The following FRMD4A variants were observed in gnomAD, a reference collection of about 807,000 sequenced individuals.
FRMD4A encodes FERM domain-containing protein 4A.
FRMD4A carries 29 observed loss-of-function variants against 129.1 expected under a neutral mutation model. The ratio of observed to expected loss-of-function variants is 0.22; its 90% confidence interval spans 0.17 to 0.31. The LOEUF is 0.31. Ranked by LOEUF, FRMD4A falls within the 10% of genes least tolerant of loss-of-function variation. The pLI, the probability that FRMD4A is intolerant of heterozygous loss-of-function variation, is 1.00. For missense variants in FRMD4A, 1,272 were observed against 1,375.8 expected (o/e 0.92, Z 1.19); for synonymous variants, 634 against 571.6 (o/e 1.11, Z -1.56).
At chr10:13,841,672 C>T (rs2093968103) in intron 3 of FRMD4A, among the ~76,000 whole-genome samples, 1 of 152,206 alleles carries the variant, frequency 6.6e-6, no homozygotes. Flanking sequence ...AGATATTCTG[C>T]ATGTGGGACC....
chr10:13,871,508 G>A (rs192682440), intron 2 of FRMD4A, among the ~76,000 whole-genome samples: 333 of 152,302 alleles, frequency 2.2e-3, no homozygotes, highest in Middle Eastern at 6.8e-3. Context: ...TGCAGAATCC[G>A]TTTCAATGCC....
chr10:14,043,276 T>C (rs1164814473), intron 2 of FRMD4A, among the ~76,000 whole-genome samples: 4 of 152,234 alleles, frequency 2.6e-5, no homozygotes. Context: ...TCTAGCCATA[T>C]GTCCCATGTT....
At chr10:14,315,273 T>C (rs2132111318) in intron 2 of FRMD4A, among the ~76,000 whole-genome samples, 1 of 152,292 alleles carries the variant, frequency 6.6e-6, no homozygotes, top group East Asian at 1.9e-4. Flanking sequence ...AAGCTTCACA[T>C]ACATACCTCT....
At chr10:13,761,730 G>A in intron 7 of FRMD4A, 61 bp from the exon 8 acceptor site, 1 of 1,111,714 alleles carries the variant, frequency 9.0e-7, no homozygotes, top group Non-Finnish European at 1.4e-6. Flanking sequence ...AGACTCTAAA[G>A]TACATTCTAT....
chr10:14,134,382 T>C (rs1839424188), intron 2 of FRMD4A, among the ~76,000 whole-genome samples: 1 of 151,266 alleles, frequency 6.6e-6, no homozygotes, highest in Admixed American at 6.6e-5. Flanking sequence ...GATGGATGGA[T>C]AAATGGGTGA....
intron 2 of FRMD4A, among the ~76,000 whole-genome samples, chr10:14,117,588 C>T (rs906148044): frequency 6.6e-6 from 1 of 152,118 alleles, no homozygotes; most frequent in Admixed American, 6.5e-5. Context: ...GAGGCCCCAA[C>T]CAAATGGCAG....
intron 2 of FRMD4A, among the ~76,000 whole-genome samples, chr10:13,864,577 C>CTT (rs60899227): frequency 2.2e-4 from 30 of 136,992 alleles, no homozygotes; most frequent in East Asian, 4.2e-4. Flanking sequence ...TTCTTTCTTT[C>CTT]TTTTTTTTTT....
At chr10:13,686,861 G>A (rs41398148) in intron 15 of FRMD4A, among the ~76,000 whole-genome samples, 2,388 of 152,234 alleles carry the variant, frequency 0.016, 28 homozygotes, top group African/African-American at 0.028. Context: ...CCATTTATTC[G>A]TTTCAGTGGT....
chr10:13,816,240 A>G (rs2093540352), intron 3 of FRMD4A, among the ~76,000 whole-genome samples: 1 of 152,220 alleles, frequency 6.6e-6, no homozygotes, highest in Non-Finnish European at 1.5e-5. Flanking sequence ...GTGAAGAGGG[A>G]GAAAATAGAT....
intron 3 of FRMD4A, among the ~76,000 whole-genome samples, chr10:13,852,507 G>A (rs2094153521): frequency 6.6e-6 from 1 of 152,130 alleles, no homozygotes; most frequent in Admixed American, 6.5e-5. Flanking sequence ...ACAGGCATGA[G>A]CCACCACACC....
rs532354315 is a variant in FRMD4A at position 13,997,329 on chromosome 10, A to G, written c.46-138417T>C. 1.8e-4 allele frequency among the ~76,000 whole-genome samples: 27 copies of G among 152,228 alleles called. No individual in the cohort carries two copies. The South Asian group carries it at 5.2e-3, about 29-fold the overall frequency. ...AATAATCTTCACCCCAAGAGTCTCT[A>G]CCATGGTCTCTAATTGCTCTCTGTG... On this transcript the variant is annotated intron_variant, in intron 2 of 24. Transcript: ENST00000357447.
intron 2 of FRMD4A, among the ~76,000 whole-genome samples, chr10:13,923,589 A>T (rs932287884): frequency 6.6e-6 from 1 of 152,228 alleles, no homozygotes; most frequent in African/African-American, 2.4e-5. Flanking sequence ...TATGTTTACC[A>T]TAAGGTTTCA....
chr10:13,702,559 TG>T (rs2086940766), intron 13 of FRMD4A, among the ~76,000 whole-genome samples: 1 of 151,054 alleles, frequency 6.6e-6, no homozygotes, highest in Non-Finnish European at 1.5e-5. Flanking sequence ...TGTGTGTGTG[TG>T]TGTGTGTGCG....
intron 12 of FRMD4A, among the ~76,000 whole-genome samples, chr10:13,724,682 C>T (rs1190155532): frequency 1.3e-5 from 2 of 152,182 alleles, no homozygotes; most frequent in South Asian, 2.1e-4. Flanking sequence ...AGTCTCAGGG[C>T]GGCTGCTACG....
intron 2 of FRMD4A, among the ~76,000 whole-genome samples, chr10:14,061,257 T>C (rs117661855): frequency 0.042 from 6,388 of 152,110 alleles, 243 homozygotes; most frequent in African/African-American, 0.11. Context: ...ACCAGCTTGA[T>C]CAACATGGGT....
intron 2 of FRMD4A, among the ~76,000 whole-genome samples, chr10:14,169,407 T>C (rs1406179937): frequency 2.0e-5 from 3 of 152,188 alleles, no homozygotes; most frequent in African/African-American, 7.2e-5. Flanking sequence ...TTCTGTAGGA[T>C]TGCTTTTAGT....
chr10:13,697,303 T>C (rs1412204975), intron 14 of FRMD4A, among the ~76,000 whole-genome samples: 1 of 152,116 alleles, frequency 6.6e-6, no homozygotes, highest in Non-Finnish European at 1.5e-5. Context: ...ACCACACATG[T>C]GGTCCACCAC....
At chr10:13,734,839 TC>T (rs2090536426) in intron 12 of FRMD4A, among the ~76,000 whole-genome samples, 1 of 136,654 alleles carries the variant, frequency 7.3e-6, no homozygotes, top group African/African-American at 2.8e-5. Context: ...TTCTTCTTTT[TC>T]TATTTATTTA....
At chr10:14,188,833 G>A (rs186569577) in intron 2 of FRMD4A, among the ~76,000 whole-genome samples, 2 of 152,330 alleles carry the variant, frequency 1.3e-5, no homozygotes, top group East Asian at 1.9e-4. Flanking sequence ...CTGAGCCTGG[G>A]AGGTTAAGGC....
Sources: allele counts gnomAD v4.1 joint callset (sites outside exome capture counted in the v4.1 genomes callset), GRCh38; gene constraint gnomAD v4.1.1; transcripts MANE v1.5; gene names NCBI Gene and HGNC (gene_info 2026-07-23, HGNC 2026-07-21).